MAF: variants seen among roughly 807,000 people sequenced by gnomAD.
MAF encodes MAF bZIP transcription factor.
A neutral mutation model predicts 22.0 loss-of-function variants in MAF; 10 were observed. The observed-to-expected ratio is 0.45, with a 90% CI of 0.28 to 0.77. MAF has a LOEUF of 0.77. Ranked by LOEUF, MAF falls within the 30% of genes least tolerant of loss-of-function variation. MAF has a pLI of 0.12. For missense variants in MAF, 544 were observed against 548.4 expected (o/e 0.99, Z 0.08); for synonymous variants, 337 against 255.8 (o/e 1.32, Z -3.03).
the MAF span, among the ~76,000 whole-genome samples, chr16:79,535,704 T>C: frequency 6.6e-6 from 1 of 150,590 alleles, no homozygotes; most frequent in Admixed American, 6.7e-5. Flanking sequence ...TTCTCCTGAG[T>C]AGGAGTCCTC....
At chr16:79,220,222 C>T in the MAF span, among the ~76,000 whole-genome samples, 1 of 134,668 alleles carries the variant, frequency 7.4e-6, no homozygotes, top group Non-Finnish European at 1.5e-5. Flanking sequence ...TGCCAATGCA[C>T]TCCAGCCTGG....
chr16:79,265,366 T>C, the MAF span, among the ~76,000 whole-genome samples: 1 of 152,140 alleles, frequency 6.6e-6, no homozygotes, highest in Non-Finnish European at 1.5e-5. Context: ...TCCCCAATAG[T>C]TGGTTGTGGC....
chr16:79,235,445 C>T, the MAF span, among the ~76,000 whole-genome samples: 1 of 151,834 alleles, frequency 6.6e-6, no homozygotes, highest in Non-Finnish European at 1.5e-5. Context: ...GCCTGTAGTC[C>T]CAGCTACACT....
the MAF span, among the ~76,000 whole-genome samples, chr16:79,366,933 C>T: frequency 6.6e-6 from 1 of 152,188 alleles, no homozygotes; most frequent in African/African-American, 2.4e-5. Flanking sequence ...GTGTGTATCT[C>T]AGGGCTTGGT....
the MAF span, among the ~76,000 whole-genome samples, chr16:79,328,199 T>C: frequency 6.6e-6 from 1 of 152,202 alleles, no homozygotes; most frequent in African/African-American, 2.4e-5. Context: ...TCTTATTTTT[T>C]CTTCGCTTAT....
At chr16:79,568,592 G>C in the MAF span, among the ~76,000 whole-genome samples, 1 of 152,144 alleles carries the variant, frequency 6.6e-6, no homozygotes, top group Non-Finnish European at 1.5e-5. Context: ...ACATGCACTT[G>C]AGCACTGTTG....
the MAF span, among the ~76,000 whole-genome samples, chr16:79,498,481 G>A: frequency 6.6e-6 from 1 of 152,230 alleles, no homozygotes; most frequent in Non-Finnish European, 1.5e-5. Flanking sequence ...TGGGAAAACA[G>A]GCTTCAGGCT....
chr16:79,207,287 C>A, the MAF span, among the ~76,000 whole-genome samples: 1 of 152,226 alleles, frequency 6.6e-6, no homozygotes, highest in Non-Finnish European at 1.5e-5. Context: ...CCAACAGACA[C>A]CAGATGAGTA....
At chr16:79,358,363 C>G in the MAF span, among the ~76,000 whole-genome samples, 1 of 152,128 alleles carries the variant, frequency 6.6e-6, no homozygotes, top group African/African-American at 2.4e-5. Flanking sequence ...GGGATGAGAA[C>G]TGGACAGGCA....
At chr16:79,595,740 A>T (rs1567563315) in intron 1 of MAF, 5 of 1,056,592 alleles carry the variant, frequency 4.7e-6, no homozygotes, top group Non-Finnish European at 5.7e-6. Context: ...TTTTGCTTTT[A>T]TTTCTGGGGA....
At chr16:79,466,971 C>T in the MAF span, among the ~76,000 whole-genome samples, 1 of 152,200 alleles carries the variant, frequency 6.6e-6, no homozygotes, top group Non-Finnish European at 1.5e-5. Flanking sequence ...TGAGGCCTGC[C>T]TAATTCAGTC....
the MAF span, among the ~76,000 whole-genome samples, chr16:79,551,338 G>C: frequency 1.3e-5 from 2 of 152,162 alleles, no homozygotes; most frequent in African/African-American, 4.8e-5. Context: ...TTCCCTTGTA[G>C]CCATTCTCTG....
At chr16:79,288,723 G>A in the MAF span, among the ~76,000 whole-genome samples, 1 of 152,116 alleles carries the variant, frequency 6.6e-6, no homozygotes, top group African/African-American at 2.4e-5. Context: ...AAGAGAATAA[G>A]CAGTGTGTTG....
chr16:79,555,028 A>G, the MAF span, among the ~76,000 whole-genome samples: 1 of 152,170 alleles, frequency 6.6e-6, no homozygotes, highest in Admixed American at 6.5e-5. Flanking sequence ...CTTTTGATTA[A>G]GAGGAGATGG....
the MAF span, among the ~76,000 whole-genome samples, chr16:79,221,709 TTGTGTA>T: frequency 6.6e-6 from 1 of 151,856 alleles, no homozygotes; most frequent in South Asian, 2.1e-4. Context: ...GTGTATGTGA[TTGTGTA>T]TGTGTGTGTG....
chr16:79,209,665 C>G, the MAF span, among the ~76,000 whole-genome samples: 127 of 152,084 alleles, frequency 8.4e-4, no homozygotes, highest in Non-Finnish European at 1.6e-3. Flanking sequence ...AAAACACCAT[C>G]TCCACCAGAA....
the MAF span, among the ~76,000 whole-genome samples, chr16:79,216,521 T>A: frequency 6.6e-6 from 1 of 152,184 alleles, no homozygotes; most frequent in Admixed American, 6.5e-5. Flanking sequence ...TTCAATAAAT[T>A]ACATGAGACA....
chr16:79,595,466 T>G, intron 1 of MAF: 1 of 1,058,430 alleles, frequency 9.4e-7, no homozygotes, highest in South Asian at 4.6e-5. Flanking sequence ...CGTGTTTGGC[T>G]GTATTTTCAA....
chr16:79,591,006 T>C (rs1267876038), downstream of MAF, among the ~76,000 whole-genome samples: 1 of 152,178 alleles, frequency 6.6e-6, no homozygotes, highest in East Asian at 1.9e-4. Flanking sequence ...TCTGAACTCC[T>C]GACCTAATTT....
Sources: gnomAD v4.1 joint callset for allele counts (sites outside exome capture counted in the v4.1 genomes callset) on GRCh38, gnomAD v4.1.1 for gene constraint, MANE v1.5 for transcripts, NCBI Gene and HGNC (gene_info 2026-07-23, HGNC 2026-07-21) for gene names.